TNIP3: variants seen among roughly 807,000 people sequenced by gnomAD.
TNIP3 encodes TNFAIP3 interacting protein 3.
In TNIP3, 34 loss-of-function variants were observed where a neutral mutation model predicts 54.1. The observed-to-expected ratio is 0.63, with a 90% CI of 0.48 to 0.84. TNIP3 has a LOEUF of 0.84. Among genes scored for constraint, TNIP3 ranks in the 40% least tolerant of loss-of-function variants. The probability of loss-of-function intolerance (pLI) is 0.00; values close to 1 mark genes in which losing one functional copy is unlikely to be tolerated. For missense variants in TNIP3, 366 were observed against 387.6 expected (o/e 0.94, Z 0.47); for synonymous variants, 134 against 136.8 (o/e 0.98, Z 0.14).
At chr4:121,162,506 CCTT>C (rs113408081) in intron 1 of TNIP3, among the ~76,000 whole-genome samples, 7,858 of 152,232 alleles carry the variant, frequency 0.052, 318 homozygotes, top group African/African-American at 0.11. Context: ...CGTAATTGGA[CCTT>C]CTTCTTTTGG....
chr4:121,173,841 A>T (rs865945602), intron 3 of TNIP3, among the ~76,000 whole-genome samples: 1 of 152,056 alleles, frequency 6.6e-6, no homozygotes, highest in South Asian at 2.1e-4. Context: ...ATGTTGGCCA[A>T]GCTGGTCTCA....
intron 9 of TNIP3, among the ~76,000 whole-genome samples, chr4:121,139,564 A>G (rs545447002): frequency 2.6e-5 from 4 of 152,314 alleles, no homozygotes; most frequent in African/African-American, 9.6e-5. Context: ...TCTCCTAAAA[A>G]TAACTTGAGG....
chr4:121,224,128 C>T (rs892896964), intron 1 of TNIP3, among the ~76,000 whole-genome samples: 9 of 152,092 alleles, frequency 5.9e-5, no homozygotes, highest in African/African-American at 2.2e-4. Context: ...TTTGGGAGGC[C>T]AAGGCAGGAA....
intron 2 of TNIP3, among the ~76,000 whole-genome samples, chr4:121,160,906 T>C (rs1255569014): frequency 6.6e-6 from 1 of 152,208 alleles, no homozygotes; most frequent in African/African-American, 2.4e-5. Context: ...TTACCAGACT[T>C]ATGACTTTGT....
In TNIP3 at chr4:121,151,373, T is replaced by C. The variant is rs79107683; in HGVS notation, c.493-1154A>G. Reference sequence around the variant, plus strand: ...GAAAAGAAAAGCAAATGTGTGGTTTTGAGTATGTGAATAGGCTGGGAATTT... The same window carrying C: ...GAAAAGAAAAGCAAATGTGTGGTTTCGAGTATGTGAATAGGCTGGGAATTT... On this transcript the variant is annotated intron_variant, in intron 5 of 10. Coordinates refer to ENST00000057513, the MANE Select transcript of TNIP3 (RefSeq NM_024873.6). Among the ~76,000 whole-genome samples, 297 of 152,306 alleles carry C rather than the reference T, an allele frequency of 2.0e-3. 1 individual carries two copies. Among genetic ancestry groups the C allele is most frequent in the Middle Eastern group, 6.8e-3 (2 of 294 alleles).
chr4:121,202,740 A>G (rs1725961658), intron 2 of TNIP3, among the ~76,000 whole-genome samples: 1 of 152,128 alleles, frequency 6.6e-6, no homozygotes, highest in Non-Finnish European at 1.5e-5. Flanking sequence ...AAGAAAAAAC[A>G]GATAACCCCA....
chr4:121,156,923 G>C (rs2148811749), intron 4 of TNIP3, among the ~76,000 whole-genome samples, 171 bp downstream of exon 4: 1 of 152,286 alleles, frequency 6.6e-6, no homozygotes, highest in South Asian at 2.1e-4. Context: ...CTAGAGAAGT[G>C]ACCCTTGTTC....
At chr4:121,159,119 T>G (rs951347969) in intron 2 of TNIP3, among the ~76,000 whole-genome samples, 1 of 152,200 alleles carries the variant, frequency 6.6e-6, no homozygotes, top group South Asian at 2.1e-4. Flanking sequence ...GGCATGCACC[T>G]GCAGTCCCAG....
chr4:121,151,552 G>T (rs1729758578), intron 5 of TNIP3, among the ~76,000 whole-genome samples: 1 of 152,002 alleles, frequency 6.6e-6, no homozygotes. Context: ...TATGTTTTTT[G>T]AGGATTTGTG....
chr4:121,187,524 C>A (rs1473054846), intron 2 of TNIP3, among the ~76,000 whole-genome samples: 1 of 152,188 alleles, frequency 6.6e-6, no homozygotes, highest in Non-Finnish European at 1.5e-5. Flanking sequence ...ATCTTAGTGA[C>A]CTCAGCCATT....
intron 10 of TNIP3, among the ~76,000 whole-genome samples, chr4:121,134,249 CTG>C (rs1182802314): frequency 6.6e-6 from 1 of 152,200 alleles, no homozygotes; most frequent in Non-Finnish European, 1.5e-5. Context: ...AAGCATAACT[CTG>C]TACCCTATGA....
chr4:121,220,685 C>T (rs78545419), upstream of TNIP3, among the ~76,000 whole-genome samples: 2,685 of 152,002 alleles, frequency 0.018, 36 homozygotes, highest in Non-Finnish European at 0.027. Context: ...TCATAAATAG[C>T]GTGGGGGAAT....
chr4:121,220,707 A>G (rs1319579139), upstream of TNIP3, among the ~76,000 whole-genome samples: 10 of 152,206 alleles, frequency 6.6e-5, no homozygotes, highest in Admixed American at 6.5e-4. Flanking sequence ...AACAAAGCTG[A>G]TCCTGGGTAA....
At position 121,158,670 on chromosome 4, in the gene TNIP3, T is replaced by C. The variant is rs757365719; in HGVS notation, c.213+17A>G. The C allele has an allele frequency of 1.6e-5, 26 of 1,585,516 alleles. No individual in the cohort carries two copies. Among genetic ancestry groups the C allele is most frequent in the Non-Finnish European group, 2.1e-5 (24 of 1,155,542 alleles). ...TAATGGCTTTAAAGAAAATACCGAATAGAGAGAGGTATTTACCTTTCTTTC... is the reference window on the plus strand; with the variant it reads ...TAATGGCTTTAAAGAAAATACCGAACAGAGAGAGGTATTTACCTTTCTTTC... On this transcript the variant is annotated intron_variant, in intron 3 of 10. Transcript: ENST00000057513.
At chr4:121,182,532 A>G (rs577641614) in intron 3 of TNIP3, 1 of 975,480 alleles carries the variant, frequency 1.0e-6, no homozygotes, top group East Asian at 2.8e-5. Context: ...GAGAAGTTTT[A>G]TACTGCTTCA....
intron 10 of TNIP3, 21 bp from the exon 11 acceptor site, chr4:121,132,683 A>G (rs750990679): frequency 1.1e-5 from 18 of 1,599,374 alleles, no homozygotes; most frequent in Non-Finnish European, 1.4e-5. Context: ...CAGTAGGAAA[A>G]TGTTTTAGAT....
At position 121,134,636 on chromosome 4, in the gene TNIP3, T is replaced by C. The variant is rs570612334; in HGVS notation, c.947-1974A>G. On this transcript the variant is annotated intron_variant, in intron 10 of 10. Coordinates refer to ENST00000057513, the MANE Select transcript of TNIP3 (RefSeq NM_024873.6). ...TTTTGAAAGAAGGGTTGATTTTCAA[T>C]GTGTCTCCAAAGCATTCTGAAATAA... Among the ~76,000 whole-genome samples, 11 of 152,310 alleles carry C rather than the reference T, an allele frequency of 7.2e-5. No individual in the cohort carries two copies. The South Asian group carries it at 2.3e-3, about 32-fold the overall frequency.
chr4:121,135,829 T>C (rs963601452), intron 10 of TNIP3, among the ~76,000 whole-genome samples: 2 of 152,210 alleles, frequency 1.3e-5, no homozygotes, highest in African/African-American at 2.4e-5. Context: ...GAACCACTAC[T>C]GAAATTAAAT....
At chr4:121,192,387 A>G (rs1725349827) in intron 2 of TNIP3, among the ~76,000 whole-genome samples, 1 of 152,240 alleles carries the variant, frequency 6.6e-6, no homozygotes, top group Non-Finnish European at 1.5e-5. Flanking sequence ...GCACGTTCCC[A>G]GTCCCTTCGT....
Sources: gnomAD v4.1 joint callset for allele counts (sites outside exome capture counted in the v4.1 genomes callset) on GRCh38, gnomAD v4.1.1 for gene constraint, MANE v1.5 for transcripts, NCBI Gene and HGNC (gene_info 2026-07-23, HGNC 2026-07-21) for gene names.